Variants in GRIN2A observed in about 807,000 individuals in gnomAD.
The protein encoded by GRIN2A is glutamate ionotropic receptor NMDA type subunit 2A.
In GRIN2A, 22 loss-of-function variants were observed where a neutral mutation model predicts 113.4. The observed-to-expected ratio is 0.19, with a 90% CI of 0.14 to 0.28. The LOEUF (loss-of-function observed/expected upper bound fraction) is 0.28. Among genes scored for constraint, GRIN2A ranks in the 10% least tolerant of loss-of-function variants. GRIN2A has a pLI of 1.00. For synonymous variants in GRIN2A, 827 were observed against 738.4 expected (o/e 1.12, Z -1.94); for missense variants, 1,502 against 1,887.0 (o/e 0.80, Z 3.78).
intron 2 of GRIN2A, among the ~76,000 whole-genome samples, chr16:10,098,851 A>G (rs991552964): frequency 2.0e-5 from 3 of 152,092 alleles, no homozygotes; most frequent in Non-Finnish European, 4.4e-5. Context: ...GATTAAATGT[A>G]TACTGCTCGG....
chr16:9,878,861 A>G (rs1257456789), intron 4 of GRIN2A, among the ~76,000 whole-genome samples: 1 of 152,006 alleles, frequency 6.6e-6, no homozygotes, highest in Non-Finnish European at 1.5e-5. Context: ...CAAGACACAC[A>G]CACACACACA....
chr16:9,854,696 C>A (rs1370825458), intron 4 of GRIN2A, among the ~76,000 whole-genome samples: 1 of 152,112 alleles, frequency 6.6e-6, no homozygotes, highest in Non-Finnish European at 1.5e-5. Context: ...ACACCACACT[C>A]AGCTGAGTCT....
In GRIN2A at chr16:10,137,778, G is replaced by T. The variant is rs189928105; in HGVS notation, c.414+42220C>A. On this transcript the variant is annotated intron_variant, in intron 2 of 12. Transcript: ENST00000330684. ...AGCATTAAATGAGAGAGTGTGACATGCTTAGCACAAAGTAAGGGCTGAAGC... is the reference window on the plus strand; with the variant it reads ...AGCATTAAATGAGAGAGTGTGACATTCTTAGCACAAAGTAAGGGCTGAAGC... Among the ~76,000 whole-genome samples the T allele has an allele frequency of 3.3e-5, 5 of 152,328 alleles. No individual in the cohort carries two copies. The East Asian group carries it at 9.6e-4, about 29-fold the overall frequency.
chr16:9,923,117 A>T (rs898922168), intron 3 of GRIN2A, among the ~76,000 whole-genome samples: 2 of 152,118 alleles, frequency 1.3e-5, no homozygotes, highest in Non-Finnish European at 2.9e-5. Context: ...TTGCAGTTGC[A>T]TCAGTTTTGC....
In GRIN2A at chr16:9,794,231, G is replaced by A. The variant is rs1282295091; in HGVS notation, c.2356+4046C>T. On this transcript the variant is annotated intron_variant, in intron 11 of 12. Transcript: ENST00000330684. ...TTTTTCCTAGGGAAATGCATGGCAG[G>A]CTTCATGTAAGAGGTTCCCTCAATA... Among the ~76,000 whole-genome samples the A allele has an allele frequency of 4.6e-5, 7 of 152,278 alleles. No individual in the cohort carries two copies. In the East Asian group the frequency reaches 7.7e-4, roughly 17 times the overall value.
chr16:9,998,469 C>T (rs544605540), intron 2 of GRIN2A, among the ~76,000 whole-genome samples: 11 of 152,202 alleles, frequency 7.2e-5, no homozygotes, highest in African/African-American at 2.6e-4. Context: ...AAGTAGAGAT[C>T]GAAGGTCCTT....
At position 9,911,443 on chromosome 16, in the gene GRIN2A, G is replaced by C. The variant is rs2044135205; in HGVS notation, c.1008-20343C>G. On this transcript the variant is annotated intron_variant, in intron 3 of 12. Transcript: ENST00000330684. ...TATATGCTAACTCAGCTAGTTCCTA[G>C]TGTTAGCGATCTTGGGCAAGTTATT... Among the ~76,000 whole-genome samples, 3 of 152,308 alleles carry C rather than the reference G, an allele frequency of 2.0e-5. No homozygotes were observed. The South Asian group carries it at 6.2e-4, about 32-fold the overall frequency.
chr16:10,020,546 A>G (rs1250708302), intron 2 of GRIN2A, among the ~76,000 whole-genome samples: 1 of 152,228 alleles, frequency 6.6e-6, no homozygotes, highest in Non-Finnish European at 1.5e-5. Context: ...TGCAATAAAT[A>G]TAGAATTAGA....
intron 11 of GRIN2A, among the ~76,000 whole-genome samples, chr16:9,778,265 C>T (rs1596394064): frequency 6.6e-6 from 1 of 152,144 alleles, no homozygotes; most frequent in African/African-American, 2.4e-5. Context: ...ACGGCAGAAA[C>T]CTTGTAGGAA....
At chr16:9,964,970 C>T (rs561741569) in intron 2 of GRIN2A, among the ~76,000 whole-genome samples, 1 of 152,246 alleles carries the variant, frequency 6.6e-6, no homozygotes, top group African/African-American at 2.4e-5. Context: ...AACTATATTA[C>T]TATTATTAAA....
At chr16:10,020,253 A>G (rs1346201891) in intron 2 of GRIN2A, among the ~76,000 whole-genome samples, 13 of 152,130 alleles carry the variant, frequency 8.5e-5, no homozygotes, top group Admixed American at 6.5e-4. Flanking sequence ...CTCTACTAAA[A>G]ATACAAAATT....
In GRIN2A at chr16:9,893,548, C is replaced by T. The variant is rs1364503372; in HGVS notation, c.1008-2448G>A. Among the ~76,000 whole-genome samples the T allele has an allele frequency of 3.3e-5, 5 of 152,162 alleles. No homozygotes were observed. The East Asian group carries it at 9.6e-4, about 29-fold the overall frequency. On this transcript the variant is annotated intron_variant, in intron 3 of 12. Coordinates refer to ENST00000330684, the MANE Select transcript of GRIN2A (RefSeq NM_001134407.3). Reference sequence around the variant, plus strand: ...TTGGCACAATCTTGGCTCACTGCAACCTCCGCCTCCCAGGTTCAAATGATT... The same window carrying T: ...TTGGCACAATCTTGGCTCACTGCAATCTCCGCCTCCCAGGTTCAAATGATT...
intron 11 of GRIN2A, among the ~76,000 whole-genome samples, chr16:9,775,057 CA>C (rs2141167576): frequency 6.6e-6 from 1 of 152,318 alleles, no homozygotes; most frequent in South Asian, 2.1e-4. Context: ...TTATAGCAAG[CA>C]ATGTGACTAG....
At chr16:10,126,331 A>T (rs2048935459) in intron 2 of GRIN2A, among the ~76,000 whole-genome samples, 3 of 151,880 alleles carry the variant, frequency 2.0e-5, no homozygotes, top group South Asian at 2.1e-4. Context: ...TGGCTCATTT[A>T]AAAAAATTAT....
intron 2 of GRIN2A, among the ~76,000 whole-genome samples, chr16:10,153,902 G>C (rs2049635276): frequency 6.6e-6 from 1 of 152,134 alleles, no homozygotes; most frequent in Admixed American, 6.5e-5. Flanking sequence ...AGGGGCATCG[G>C]GGTCTTCGCA....
chr16:9,810,928 G>A (rs2042074736), intron 10 of GRIN2A, among the ~76,000 whole-genome samples: 1 of 152,164 alleles, frequency 6.6e-6, no homozygotes, highest in Non-Finnish European at 1.5e-5. Flanking sequence ...TTGGCCCCGG[G>A]CACTTTCCAT....
intron 2 of GRIN2A, among the ~76,000 whole-genome samples, chr16:10,135,196 G>C (rs1364659621): frequency 6.6e-6 from 1 of 152,188 alleles, no homozygotes; most frequent in Non-Finnish European, 1.5e-5. Flanking sequence ...CACAACTGTA[G>C]CATATAATTC....
chr16:9,828,616 G>C (rs1467332945), intron 9 of GRIN2A, among the ~76,000 whole-genome samples: 1 of 152,130 alleles, frequency 6.6e-6, no homozygotes, highest in African/African-American at 2.4e-5. Flanking sequence ...GATGTTTCCT[G>C]AACTAAAGTC....
intron 2 of GRIN2A, among the ~76,000 whole-genome samples, chr16:10,050,048 T>A (rs1389378677): frequency 6.6e-6 from 1 of 152,208 alleles, no homozygotes; most frequent in African/African-American, 2.4e-5. Context: ...AACCTGTGAA[T>A]ATGTTAACTT....
Sources: allele counts gnomAD v4.1 joint callset (sites outside exome capture counted in the v4.1 genomes callset), GRCh38; gene constraint gnomAD v4.1.1; transcripts MANE v1.5; gene names NCBI Gene and HGNC (gene_info 2026-07-23, HGNC 2026-07-21).